ERMAP: variants seen among roughly 807,000 people sequenced by gnomAD.
ERMAP encodes erythroid membrane-associated protein.
A neutral mutation model predicts 49.5 loss-of-function variants in ERMAP; 34 were observed. That is an observed-to-expected ratio of 0.69 (90% CI 0.52 to 0.91). The LOEUF is 0.91. Among genes scored for constraint, ERMAP ranks in the 40% least tolerant of loss-of-function variants. The pLI, the probability that ERMAP is intolerant of heterozygous loss-of-function variation, is 0.00. For synonymous variants in ERMAP, 214 were observed against 232.2 expected (o/e 0.92, Z 0.71); for missense variants, 541 against 582.6 (o/e 0.93, Z 0.74).
intron 2 of ERMAP, among the ~76,000 whole-genome samples, chr1:42,828,491 T>TA (rs71065195): frequency 0.51 from 73,772 of 144,486 alleles, 18,310 homozygotes; most frequent in East Asian, 0.57. Flanking sequence ...ATTCTTTTTT[T>TA]AAAAAAATTT....
intron 1 of ERMAP, 167 bp downstream of exon 1, chr1:42,817,420 T>TA (rs1654274640): frequency 1.4e-5 from 4 of 293,676 alleles, no homozygotes; most frequent in Non-Finnish European, 2.2e-5. Flanking sequence ...GAAACCCGCG[T>TA]AGAGGGCGGG....
intron 1 of ERMAP, chr1:42,825,410 G>A (rs893814496): frequency 3.8e-6 from 4 of 1,040,790 alleles, no homozygotes; most frequent in Non-Finnish European, 4.7e-6. Flanking sequence ...GGGAGTGGAG[G>A]GGCAAACGTG....
rs531701526 is a variant in ERMAP, at chr1:42,822,066, A to G, written c.-121-3557A>G. Among the ~76,000 whole-genome samples the G allele has an allele frequency of 2.6e-4, 40 of 151,310 alleles. No individual in the cohort carries two copies. The East Asian group carries it at 7.1e-3, about 27-fold the overall frequency. Reference sequence around the variant, plus strand: ...AAATTAAATATAATTACTACTTTTAAAAATAAAAATAATAAATTATATAAC... The same window carrying G: ...AAATTAAATATAATTACTACTTTTAGAAATAAAAATAATAAATTATATAAC... On this transcript the variant is annotated intron_variant, in intron 1 of 11. Transcript: ENST00000372517.
chr1:42,835,905 G>C, intron 6 of ERMAP, 141 bp downstream of exon 6: 1 of 1,361,764 alleles, frequency 7.3e-7, no homozygotes, highest in Non-Finnish European at 9.6e-7. Context: ...GTCTAAATCC[G>C]TTGCTTCCAG....
At chr1:42,828,211 T>G (rs557486530) in intron 2 of ERMAP, among the ~76,000 whole-genome samples, 1 of 151,616 alleles carries the variant, frequency 6.6e-6, no homozygotes, top group South Asian at 2.1e-4. Flanking sequence ...TAAGAAAATA[T>G]GAAAAAAAGG....
intron 1 of ERMAP, among the ~76,000 whole-genome samples, chr1:42,818,289 A>G (rs1654302553): frequency 6.6e-6 from 1 of 152,228 alleles, no homozygotes; most frequent in Non-Finnish European, 1.5e-5. Flanking sequence ...CCCCAAAAAG[A>G]CAAATACTGC....
chr1:42,825,574 G>C, intron 1 of ERMAP, 49 bp from the exon 2 acceptor site: 1 of 1,256,188 alleles, frequency 8.0e-7, no homozygotes, highest in Non-Finnish European at 1.0e-6. Flanking sequence ...GAGAGCCCTG[G>C]CCTCTCATAT....
intron 1 of ERMAP, among the ~76,000 whole-genome samples, chr1:42,821,710 C>T (rs1654409601): frequency 6.6e-6 from 1 of 152,030 alleles, no homozygotes; most frequent in South Asian, 2.1e-4. Flanking sequence ...TTGAAATTTT[C>T]CATATTAAAA....
At chr1:42,817,952 A>G (rs1303785523) in intron 1 of ERMAP, 1 of 152,234 alleles carries the variant, frequency 6.6e-6, no homozygotes, top group Non-Finnish European at 1.5e-5. Flanking sequence ...GTATACGTGT[A>G]TATTATTATC....
intron 2 of ERMAP, among the ~76,000 whole-genome samples, chr1:42,826,602 A>G (rs1654558252): frequency 1.3e-5 from 2 of 152,168 alleles, no homozygotes; most frequent in African/African-American, 4.8e-5. Context: ...TCACACCTGT[A>G]ATCCCAACAC....
chr1:42,840,105 C>T, intron 9 of ERMAP, 47 bp from the exon 10 acceptor site: 2 of 1,614,152 alleles, frequency 1.2e-6, no homozygotes, highest in Non-Finnish European at 1.7e-6. Flanking sequence ...TCCTGTTGCC[C>T]TAATATTTGC....
Position 42,828,089 on chromosome 1 carries a change from A to G in ERMAP, c.-6+2351A>G, listed in dbSNP as rs1206964105. ...TTAATAGGATGTTGACTACTATAAT[A>G]TTGATATGTTACATGTTAGAAGAGA... On this transcript the variant is annotated intron_variant, in intron 2 of 11. Coordinates refer to ENST00000372517, the MANE Select transcript of ERMAP (RefSeq NM_001017922.2). Among the ~76,000 whole-genome samples, 3 of 151,728 alleles carry G rather than the reference A, an allele frequency of 2.0e-5. No individual in the cohort carries two copies. The East Asian group carries it at 5.8e-4, about 29-fold the overall frequency.
At chr1:42,827,575 T>G (rs1272293908) in intron 2 of ERMAP, among the ~76,000 whole-genome samples, 1 of 152,214 alleles carries the variant, frequency 6.6e-6, no homozygotes, top group Non-Finnish European at 1.5e-5. Flanking sequence ...TGATTTGACA[T>G]TTTTGTCCTT....
In ERMAP at chr1:42,830,991, T is replaced by G; in HGVS notation, c.309T>G (p.Asp103Glu). ...EYKGRTVLVR[D>E]AQEGSVTLQI... ...AGGGGAGGACGGTGCTAGTGAGAGA[T>G]GCCCAAGAGGGAAGTGTCACTCTGC... is the stretch of plus-strand genomic sequence containing the variant. Residue 103 changes from aspartate (D) to glutamate (E), a missense_variant, in exon 4 of 12, where the codon GAT becomes GAG. Coordinates refer to ENST00000372517, the MANE Select transcript of ERMAP (RefSeq NM_001017922.2). The G allele has an allele frequency of 1.2e-6, 2 of 1,614,216 alleles. No individual in the cohort carries two copies. Among genetic ancestry groups the G allele is most frequent in the Middle Eastern group, 1.6e-4 (1 of 6,062 alleles).
chr1:42,821,370 A>G (rs527837301), intron 1 of ERMAP, among the ~76,000 whole-genome samples: 2 of 152,322 alleles, frequency 1.3e-5, no homozygotes, highest in East Asian at 3.9e-4. Context: ...AGTGATTATT[A>G]CTGGATTCTG....
At chr1:42,841,606 G>A (rs1655059318) in intron 11 of ERMAP, among the ~76,000 whole-genome samples, 1 of 152,198 alleles carries the variant, frequency 6.6e-6, no homozygotes, top group African/African-American at 2.4e-5. Context: ...CTGTAGGAAT[G>A]AGGCACTATA....
At chr1:42,817,306 C>A (rs1055323088) in intron 1 of ERMAP, 53 bp downstream of exon 1, 2 of 1,188,916 alleles carry the variant, frequency 1.7e-6, no homozygotes, top group Non-Finnish European at 2.2e-6. Context: ...GCCCACCGCC[C>A]CTCGTCCTGG....
At position 42,842,923 on chromosome 1, in the gene ERMAP, T is replaced by C; in HGVS notation, c.1119T>C (p.Asn373=). The C allele has an allele frequency of 1.2e-6, 2 of 1,614,214 alleles. No homozygotes were observed. The highest frequency in any genetic ancestry group is 1.7e-6 in the Non-Finnish European group (2 of 1,180,046). ...AAGCAGGAGTCATCTCTTTCTACAA[T>C]GTGACCAACAAGTCCCACATCTTTA... The part of the protein sequence containing the change: ...DYEAGVISFY[N]VTNKSHIFTF... Residue 373 remains asparagine, a synonymous_variant, in exon 12 of 12, where the codon AAT becomes AAC. Transcript: ENST00000372517.
chr1:42,825,892 A>C, intron 2 of ERMAP, 154 bp downstream of exon 2: 1 of 903,130 alleles, frequency 1.1e-6, no homozygotes, highest in Non-Finnish European at 1.5e-6. Context: ...AGAAACACAA[A>C]AGGAGACAAG....
Sources: gnomAD v4.1 joint callset for allele counts (sites outside exome capture counted in the v4.1 genomes callset) on GRCh38, gnomAD v4.1.1 for gene constraint, MANE v1.5 for transcripts, NCBI Gene and HGNC (gene_info 2026-07-23, HGNC 2026-07-21) for gene names.